The following CUX2 variants were observed in gnomAD, a reference collection of about 807,000 sequenced individuals.
CUX2 encodes homeobox protein cut-like 2.
In CUX2, 40 loss-of-function variants were observed where a neutral mutation model predicts 144.8. That is an observed-to-expected ratio of 0.28 (90% CI 0.21 to 0.36). The LOEUF (loss-of-function observed/expected upper bound fraction) is 0.36, where lower values mean the gene tolerates loss of function less well. CUX2 is among the 10% of genes least tolerant of loss of function. CUX2 has a pLI of 1.00. For synonymous variants in CUX2, 827 were observed against 875.6 expected (o/e 0.94, Z 0.98); for missense variants, 1,615 against 1,994.0 (o/e 0.81, Z 3.62).
At chr12:111,139,479 T>C (rs533806240) in intron 1 of CUX2, among the ~76,000 whole-genome samples, 1 of 152,032 alleles carries the variant, frequency 6.6e-6, no homozygotes, top group Non-Finnish European at 1.5e-5. Context: ...TGGTCGAAGT[T>C]GTGGTCATGG....
In CUX2 at chr12:111,293,148, A is replaced by G. The variant is rs1592927364; in HGVS notation, c.437-298A>G. 6.6e-6 allele frequency among the ~76,000 whole-genome samples: 1 copy of G among 152,214 alleles called. No homozygotes were observed. Among genetic ancestry groups the G allele is most frequent in the East Asian group, 1.9e-4 (1 of 5,206 alleles). On this transcript the variant is annotated intron_variant, in intron 5 of 21. Coordinates refer to ENST00000261726, the MANE Select transcript of CUX2 (RefSeq NM_015267.4). The surrounding 1 kb of genome is among the most constrained non-coding windows in gnomAD (Gnocchi z 4.5). ...CGTCTCAAAAAAAAAATAAAAAATAAAAAAAGGTGAATTTTATGTGACGTA... is the reference window on the plus strand; with the variant it reads ...CGTCTCAAAAAAAAAATAAAAAATAGAAAAAGGTGAATTTTATGTGACGTA...
At chr12:111,203,864 G>C (rs1220133312) in intron 1 of CUX2, among the ~76,000 whole-genome samples, 1 of 152,222 alleles carries the variant, frequency 6.6e-6, no homozygotes, top group Non-Finnish European at 1.5e-5. Context: ...CAACAGTAGA[G>C]AGGAGGAGAA....
intron 1 of CUX2, among the ~76,000 whole-genome samples, chr12:111,055,263 G>A (rs954570587): frequency 6.6e-6 from 1 of 152,236 alleles, no homozygotes; most frequent in African/African-American, 2.4e-5. Context: ...ACTGGGACAA[G>A]CATCAGGGAT....
chr12:111,100,264 T>C (rs904878614), intron 1 of CUX2: 1 of 351,496 alleles, frequency 2.8e-6, no homozygotes, highest in African/African-American at 2.1e-5. Context: ...TGTGCCCCTT[T>C]GTGTGTCCAG....
chr12:111,105,744 C>T (rs1287493179), intron 1 of CUX2, among the ~76,000 whole-genome samples: 1 of 152,160 alleles, frequency 6.6e-6, no homozygotes, highest in Non-Finnish European at 1.5e-5. Flanking sequence ...TCAGTTTCCT[C>T]ATCTGTAAAG....
At chr12:111,050,564 G>A (rs1469866543) in intron 1 of CUX2, among the ~76,000 whole-genome samples, 1 of 152,086 alleles carries the variant, frequency 6.6e-6, no homozygotes, top group Admixed American at 6.5e-5. Flanking sequence ...GGGTCTACAG[G>A]ACAGAAACCT....
intron 1 of CUX2, among the ~76,000 whole-genome samples, chr12:111,180,564 G>A (rs900843113): frequency 1.3e-5 from 2 of 152,190 alleles, no homozygotes; most frequent in African/African-American, 2.4e-5. Flanking sequence ...AAAGGTTAGG[G>A]GACACACAGT....
intron 1 of CUX2, among the ~76,000 whole-genome samples, chr12:111,163,674 G>A (rs1033511676): frequency 2.0e-5 from 3 of 152,196 alleles, no homozygotes; most frequent in Admixed American, 2.0e-4. Context: ...ATAAGCAGCA[G>A]TTTCCTTTTT....
chr12:111,168,238 G>A (rs1878281537), intron 1 of CUX2, among the ~76,000 whole-genome samples: 1 of 152,132 alleles, frequency 6.6e-6, no homozygotes, highest in Non-Finnish European at 1.5e-5. Flanking sequence ...ACTCTGCTGT[G>A]TTCACACATC....
At chr12:111,306,543 T>C (rs1253348732) in intron 10 of CUX2, among the ~76,000 whole-genome samples, 1 of 152,136 alleles carries the variant, frequency 6.6e-6, no homozygotes, top group Non-Finnish European at 1.5e-5. Context: ...GTGTCAAGTC[T>C]AATCCTGAGG....
In CUX2 at chr12:111,049,478, T is replaced by C. The variant is rs117456219; in HGVS notation, c.63+15238T>C. ...GGTGGAGGAGTCAACTGTAGTGAAATAACCCCAAAATGACATAATTAGCAC... is the reference window on the plus strand; with the variant it reads ...GGTGGAGGAGTCAACTGTAGTGAAACAACCCCAAAATGACATAATTAGCAC... On this transcript the variant is annotated intron_variant, in intron 1 of 21. Transcript: ENST00000261726. Among the ~76,000 whole-genome samples the C allele has an allele frequency of 6.8e-3, 1,039 of 152,334 alleles. 9 individuals are homozygous for C. The highest frequency in any genetic ancestry group is 0.011 in the Admixed American group (167 of 15,302).
Position 111,263,682 on chromosome 12 carries a change from G to A in CUX2, c.223-79G>A. 9.4e-6 allele frequency: 10 copies of A among 1,065,244 alleles called. No individual in the cohort carries two copies. Among genetic ancestry groups the A allele is most frequent in the South Asian group, 6.9e-5 (5 of 72,332 alleles). 66.0% of individuals were successfully genotyped at this position (1,065,244 alleles called of 1,614,324 possible). On this transcript the variant is annotated intron_variant, in intron 3 of 21. Coordinates refer to ENST00000261726, the MANE Select transcript of CUX2 (RefSeq NM_015267.4). This position sits in a 1 kb window ranked among gnomAD's most constrained non-coding sequence, Gnocchi z 4.0. ...AAAAACCTGCAGATGTTTTCTTGTG[G>A]AAAAAAAAAATGATGAAATTTGCTT...
At chr12:111,156,053 A>G (rs2136143570) in intron 1 of CUX2, among the ~76,000 whole-genome samples, 1 of 152,304 alleles carries the variant, frequency 6.6e-6, no homozygotes, top group South Asian at 2.1e-4. Flanking sequence ...CCTGGTCCCT[A>G]CAGAGAAAGA....
At chr12:111,100,009 C>T (rs952542333) in intron 1 of CUX2, 4 of 457,142 alleles carry the variant, frequency 8.8e-6, no homozygotes, top group Middle Eastern at 3.2e-4. Context: ...TTTGCACATT[C>T]GCTTTTTATT....
At chr12:111,328,944 T>C (rs978694789) in intron 18 of CUX2, among the ~76,000 whole-genome samples, 4 of 83,944 alleles carry the variant, frequency 4.8e-5, no homozygotes, top group Non-Finnish European at 8.2e-5. Flanking sequence ...TTCACCTATC[T>C]CTCTCTCTCT....
At chr12:111,278,050 G>A (rs1021615490) in intron 4 of CUX2, among the ~76,000 whole-genome samples, 5 of 152,102 alleles carry the variant, frequency 3.3e-5, no homozygotes, top group African/African-American at 1.2e-4. Flanking sequence ...AAAGCCAGCC[G>A]GGCAGCCTCT....
Position 111,167,701 on chromosome 12 carries a change from TG to T in CUX2, c.64-46498del, listed in dbSNP as rs1878239255. 3.6e-5 allele frequency among the ~76,000 whole-genome samples: 5 copies of T among 139,184 alleles called. No homozygotes were observed. In the South Asian group the frequency reaches 1.1e-3, roughly 30 times the overall value. 91.3% of individuals were successfully genotyped at this position (139,184 alleles called of 152,430 possible). A position where few individuals can be genotyped will look rare whatever the true frequency, so the allele number is the denominator to read the frequency against. On this transcript the variant is annotated intron_variant, in intron 1 of 21. Coordinates refer to ENST00000261726, the MANE Select transcript of CUX2 (RefSeq NM_015267.4). ...TTGTTTGTTTGTTTGTTTGTTTGTT[TG>T]TTTCTTTTTTGAGATGGAGTCTTGC...
At chr12:111,316,142 C>CTTT (rs201009821) in intron 16 of CUX2, among the ~76,000 whole-genome samples, 10 of 132,098 alleles carry the variant, frequency 7.6e-5, no homozygotes, top group East Asian at 2.2e-4. Context: ...TAAAATTAAG[C>CTTT]TTTTTTTTTT....
intron 3 of CUX2, among the ~76,000 whole-genome samples, chr12:111,257,929 T>A (rs931550949): frequency 1.3e-5 from 2 of 152,204 alleles, no homozygotes; most frequent in African/African-American, 4.8e-5. Flanking sequence ...ACACAGCCTT[T>A]TATTGAACAT....
Sources: allele counts gnomAD v4.1 joint callset (sites outside exome capture counted in the v4.1 genomes callset), GRCh38; gene constraint gnomAD v4.1.1; non-coding constraint Gnocchi (gnomAD v3.1); transcripts MANE v1.5; gene names NCBI Gene and HGNC (gene_info 2026-07-23, HGNC 2026-07-21).